PTPN13: variants seen among roughly 807,000 people sequenced by gnomAD.
The protein encoded by PTPN13 is tyrosine-protein phosphatase non-receptor type 13.
In PTPN13, 191 loss-of-function variants were observed where a neutral mutation model predicts 284.0. The observed-to-expected ratio is 0.67, with a 90% CI of 0.60 to 0.76. The LOEUF (loss-of-function observed/expected upper bound fraction) is 0.76. PTPN13 is among the 30% of genes least tolerant of loss of function. The pLI, the probability that PTPN13 is intolerant of heterozygous loss-of-function variation, is 0.00. For synonymous variants in PTPN13, 986 were observed against 1,022.3 expected (o/e 0.96, Z 0.68); for missense variants, 2,797 against 2,939.9 (o/e 0.95, Z 1.12).
rs559269205 is a variant in PTPN13, at chr4:86,813,649, ACTC to A, written c.7363-804_7363-802del. On this transcript the variant is annotated intron_variant, in intron 47 of 47. Coordinates refer to ENST00000411767, the MANE Select transcript of PTPN13 (RefSeq NM_080683.3). The stretch of plus-strand genomic sequence containing the variant: ...ACCATGTTGGCCAGGCTGGTCTTGA[ACTC>A]CTGGCCTCAAGTGATCCACCTGCCT... 2.5e-3 allele frequency among the ~76,000 whole-genome samples: 374 copies of A among 150,764 alleles called. 5 individuals carry two copies. The highest frequency in any genetic ancestry group is 0.022 in the Admixed American group (338 of 15,128).
intron 2 of PTPN13, among the ~76,000 whole-genome samples, chr4:86,662,737 C>T (rs181844612): frequency 1.3e-3 from 192 of 152,310 alleles, no homozygotes; most frequent in Non-Finnish European, 2.4e-3. Context: ...TTTGGATACT[C>T]TTCAGGAAAA....
rs757965597 is a variant in PTPN13, at chr4:86,771,385, C to T, written c.5018C>T (p.Ser1673Leu). 1.9e-5 allele frequency: 30 copies of T among 1,570,684 alleles called. No homozygotes were observed. Among genetic ancestry groups the T allele is most frequent in the Non-Finnish European group, 2.5e-5 (29 of 1,157,192 alleles). ...LVTAPANISN[S>L]TWSSALHQTL... is the part of the protein sequence containing the mutation. ...ACAGCTCCAGCAAACATATCAAATT[C>T]GACCTGGAGTTCAGCTTTGCATCAG... is the stretch of plus-strand genomic sequence containing the variant. The change falls in exon 31 of 48, where the codon TCG becomes TTG. Residue 1673 changes from serine (S) to leucine (L), a missense_variant. Transcript: ENST00000411767.
At position 86,762,735 on chromosome 4, in the gene PTPN13, A is replaced by G. The variant is rs758502069; in HGVS notation, c.3562A>G (p.Thr1188Ala). ...TGGATTTTGACTTTTAGTGCCTTCT[A>G]CTCCTGTGCATCTCACCAATGAGAT... ...PKEKISKVPSTPVHLTNEMKN... is the reference protein window; with the variant it reads ...PKEKISKVPSAPVHLTNEMKN... The change falls in exon 24 of 48, where the codon ACT (threonine) becomes GCT (alanine). Residue 1188 changes from threonine (T) to alanine (A), a missense_variant. Coordinates refer to ENST00000411767, the MANE Select transcript of PTPN13 (RefSeq NM_080683.3). 1.3e-6 allele frequency: 2 copies of G among 1,595,664 alleles called. No individual in the cohort carries two copies. The highest frequency in any genetic ancestry group is 2.2e-5 in the South Asian group (2 of 90,678).
At chr4:86,754,137 C>T (rs1452310781) in intron 20 of PTPN13, among the ~76,000 whole-genome samples, 2 of 152,046 alleles carry the variant, frequency 1.3e-5, no homozygotes, top group African/African-American at 4.8e-5. Context: ...AAACTACACA[C>T]AATGTCTTAA....
intron 10 of PTPN13, among the ~76,000 whole-genome samples, chr4:86,724,858 T>A (rs2149099181): frequency 6.6e-6 from 1 of 152,196 alleles, no homozygotes; most frequent in Middle Eastern, 3.4e-3. Flanking sequence ...AGGGTACATG[T>A]GCACAACATG....
intron 30 of PTPN13, among the ~76,000 whole-genome samples, chr4:86,770,827 A>G (rs1739909745): frequency 1.3e-5 from 2 of 152,190 alleles, no homozygotes; most frequent in Admixed American, 1.3e-4. Context: ...CAATAAAAGG[A>G]GAAGGCAGAA....
At chr4:86,764,527 A>G (rs1003422404) in intron 24 of PTPN13, 66 bp from the exon 25 acceptor site, 15 of 1,267,848 alleles carry the variant, frequency 1.2e-5, no homozygotes, top group Admixed American at 3.5e-5. Context: ...AAAGAAATTA[A>G]AAAAAGAAAA....
chr4:86,810,087 TTA>T, intron 46 of PTPN13, 103 bp downstream of exon 46: 1 of 826,520 alleles, frequency 1.2e-6, no homozygotes, highest in Non-Finnish European at 1.8e-6. Flanking sequence ...ACTTATGAGT[TTA>T]TATGACTGCC....
chr4:86,627,411 GT>G (rs1335409109), intron 1 of PTPN13, among the ~76,000 whole-genome samples: 1 of 151,874 alleles, frequency 6.6e-6, no homozygotes, highest in East Asian at 1.9e-4. Flanking sequence ...GTTACCTGAA[GT>G]TGTGGTTAGT....
intron 17 of PTPN13, among the ~76,000 whole-genome samples, chr4:86,746,837 G>C (rs1457889309): frequency 6.6e-6 from 1 of 152,170 alleles, no homozygotes; most frequent in East Asian, 1.9e-4. Context: ...CACTATGTTG[G>C]CCAGGCTGGT....
At chr4:86,689,809 T>C (rs1205397145) in intron 5 of PTPN13, 1 of 697,910 alleles carries the variant, frequency 1.4e-6, no homozygotes, top group East Asian at 2.7e-5. Context: ...CCCACCTCTG[T>C]TCTGCATTTC....
intron 7 of PTPN13, among the ~76,000 whole-genome samples, chr4:86,704,837 A>G (rs983620255): frequency 2.6e-5 from 4 of 152,210 alleles, no homozygotes; most frequent in Admixed American, 2.6e-4. Flanking sequence ...AAAATGTTGG[A>G]TTATTATGGA....
chr4:86,783,387 T>G (rs1741547777), intron 37 of PTPN13, among the ~76,000 whole-genome samples: 4 of 152,164 alleles, frequency 2.6e-5, no homozygotes, highest in African/African-American at 9.6e-5. Context: ...CTAGTAATAT[T>G]CACACTGTAT....
chr4:86,622,530 A>G (rs1371309035), intron 1 of PTPN13, among the ~76,000 whole-genome samples: 1 of 152,220 alleles, frequency 6.6e-6, no homozygotes, highest in African/African-American at 2.4e-5. Context: ...CTTTAAAAAT[A>G]TAACCAATAA....
chr4:86,655,070 CT>C (rs1246985021), intron 2 of PTPN13, among the ~76,000 whole-genome samples: 1 of 151,986 alleles, frequency 6.6e-6, no homozygotes, highest in African/African-American at 2.4e-5. Context: ...CAACCCCTGC[CT>C]TTTTTTGTTT....
In PTPN13 at chr4:86,810,080, T is replaced by C. The variant is rs185938537; in HGVS notation, c.7299+96T>C. 7.3e-4 allele frequency: 636 copies of C among 868,360 alleles called. 1 individual carries two copies. Among genetic ancestry groups the C allele is most frequent in the Middle Eastern group, 5.1e-3 (16 of 3,148 alleles). 53.8% of individuals were successfully genotyped at this position (868,360 alleles called of 1,614,324 possible). Reference sequence around the variant, plus strand: ...GTTGTGATCTTGGGATATTTTAACTTATGAGTTTATATGACTGCCTTCATT... The same window carrying C: ...GTTGTGATCTTGGGATATTTTAACTCATGAGTTTATATGACTGCCTTCATT... On this transcript the variant is annotated intron_variant, in intron 46 of 47. Transcript: ENST00000411767.
chr4:86,693,531 T>A, intron 5 of PTPN13, 56 bp from the exon 6 acceptor site: 1 of 1,208,360 alleles, frequency 8.3e-7, no homozygotes, highest in Non-Finnish European at 1.1e-6. Flanking sequence ...ACAGTTACCA[T>A]GAAAACAAAA....
At chr4:86,655,152 G>T (rs1211537671) in intron 2 of PTPN13, among the ~76,000 whole-genome samples, 2 of 152,084 alleles carry the variant, frequency 1.3e-5, no homozygotes, top group Non-Finnish European at 2.9e-5. Flanking sequence ...CATGAGATGG[G>T]TCTCCTGAAT....
chr4:86,790,113 A>G (rs1417620448), intron 40 of PTPN13, among the ~76,000 whole-genome samples: 2 of 152,226 alleles, frequency 1.3e-5, no homozygotes, highest in Non-Finnish European at 2.9e-5. Flanking sequence ...GGAATAAGAA[A>G]TCCAAATGAC....
Sources: gnomAD v4.1 joint callset for allele counts (sites outside exome capture counted in the v4.1 genomes callset) on GRCh38, gnomAD v4.1.1 for gene constraint, MANE v1.5 for transcripts, NCBI Gene and HGNC (gene_info 2026-07-23, HGNC 2026-07-21) for gene names.